Variants in ENTREP1 observed in about 807,000 individuals in gnomAD.
ENTREP1 encodes the protein Friedreich ataxia region gene X123.
the ENTREP1 span, chr9:69,382,329 T>C: frequency 5.3e-5 from 8 of 152,212 alleles, no homozygotes; most frequent in Admixed American, 2.6e-4. Flanking sequence ...ATGAAGCCCG[T>C]TGGCAAGTCC....
chr9:69,387,022 A>T, the ENTREP1 span: 4 of 152,230 alleles, frequency 2.6e-5, no homozygotes, highest in African/African-American at 9.6e-5. Flanking sequence ...AGCTTAGGGA[A>T]ATCTTTCCAG....
At chr9:69,341,364 G>C in the ENTREP1 span, among the ~76,000 whole-genome samples, 1 of 152,120 alleles carries the variant, frequency 6.6e-6, no homozygotes, top group East Asian at 1.9e-4. Context: ...ATAGACAAGG[G>C]TAAATGTATT....
chr9:69,340,641 ATGTGTGTGTGCATGTG>A, the ENTREP1 span, among the ~76,000 whole-genome samples: 1 of 44,262 alleles, frequency 2.3e-5, no homozygotes, highest in South Asian at 6.0e-4. Context: ...GTGTGCGTGC[ATGTGTGTGTGCATGTG>A]TGTGTGTGCG....
At chr9:69,385,663 G>A in the ENTREP1 span, 2 of 1,336,366 alleles carry the variant, frequency 1.5e-6, no homozygotes, top group South Asian at 4.0e-5. Flanking sequence ...CTGAGTAAAT[G>A]TTATTAACTG....
chr9:69,334,118 G>A, the ENTREP1 span, among the ~76,000 whole-genome samples: 1 of 152,218 alleles, frequency 6.6e-6, no homozygotes, highest in African/African-American at 2.4e-5. Context: ...CTGAGTGGGA[G>A]CCTGGAACCC....
At chr9:69,367,849 A>G in the ENTREP1 span, among the ~76,000 whole-genome samples, 1 of 139,290 alleles carries the variant, frequency 7.2e-6, no homozygotes, top group East Asian at 2.0e-4. Flanking sequence ...ATATATATAT[A>G]AATATATACA....
the ENTREP1 span, chr9:69,388,250 G>T: frequency 6.2e-6 from 10 of 1,614,186 alleles, no homozygotes; most frequent in Non-Finnish European, 8.5e-6. Context: ...GAGATCTAGA[G>T]CTTCGCGATG....
At chr9:69,332,781 A>T in the ENTREP1 span, among the ~76,000 whole-genome samples, 2 of 152,234 alleles carry the variant, frequency 1.3e-5, no homozygotes, top group African/African-American at 4.8e-5. Flanking sequence ...AATACCTTTC[A>T]ACTTAGAAAC....
At chr9:69,324,998 C>CG in the ENTREP1 span, 1 of 985,344 alleles carries the variant, frequency 1.0e-6, no homozygotes, top group Non-Finnish European at 1.2e-6. Flanking sequence ...GCAGGTTCGG[C>CG]GGGGACCCTG....
the ENTREP1 span, among the ~76,000 whole-genome samples, chr9:69,339,601 G>T: frequency 2.0e-5 from 3 of 152,154 alleles, no homozygotes; most frequent in African/African-American, 7.2e-5. Flanking sequence ...TTTAAGGAAT[G>T]TGCCATTGCA....
the ENTREP1 span, chr9:69,377,563 T>A: frequency 6.2e-6 from 10 of 1,612,706 alleles, no homozygotes; most frequent in Non-Finnish European, 7.6e-6. Flanking sequence ...TCTCTCCCCG[T>A]GCCTTTGTAA....
chr9:69,367,846 T>TAA, the ENTREP1 span, among the ~76,000 whole-genome samples: 1 of 137,354 alleles, frequency 7.3e-6, no homozygotes, highest in African/African-American at 2.7e-5. Context: ...CACATATATA[T>TAA]ATAAATATAT....
chr9:69,339,568 C>T, the ENTREP1 span, among the ~76,000 whole-genome samples: 1 of 152,194 alleles, frequency 6.6e-6, no homozygotes, highest in Non-Finnish European at 1.5e-5. Flanking sequence ...CCCCCTCAAG[C>T]CCCTCTGCCT....
the ENTREP1 span, among the ~76,000 whole-genome samples, chr9:69,344,834 C>T: frequency 3.3e-5 from 5 of 152,142 alleles, no homozygotes; most frequent in South Asian, 2.1e-4. Flanking sequence ...TGCCAGCTCC[C>T]GGGTTCTTTG....
At chr9:69,367,706 TATATATATACACATATATATAAAA>T in the ENTREP1 span, among the ~76,000 whole-genome samples, 3 of 91,904 alleles carry the variant, frequency 3.3e-5, no homozygotes, top group Non-Finnish European at 4.6e-5. Context: ...TATATATAAA[TATATATATACACATATATATAAAA>T]ATATATATAT....
the ENTREP1 span, among the ~76,000 whole-genome samples, chr9:69,379,390 T>C: frequency 6.6e-6 from 1 of 152,160 alleles, no homozygotes; most frequent in Non-Finnish European, 1.5e-5. Flanking sequence ...ACTGCAAAGC[T>C]GGAGGGGATG....
chr9:69,349,958 GATT>G, the ENTREP1 span, among the ~76,000 whole-genome samples: 1 of 152,202 alleles, frequency 6.6e-6, no homozygotes, highest in South Asian at 2.1e-4. Context: ...AAAGGCAAAA[GATT>G]ATAGGGTGAA....
the ENTREP1 span, chr9:69,336,104 T>C: frequency 1.8e-6 from 1 of 554,234 alleles, no homozygotes. Context: ...ATGTTTGATT[T>C]AGAATGCTTT....
At chr9:69,336,939 C>T in the ENTREP1 span, among the ~76,000 whole-genome samples, 1 of 150,108 alleles carries the variant, frequency 6.7e-6, no homozygotes, top group East Asian at 2.0e-4. Flanking sequence ...ACCTCGTGAT[C>T]CTCCCGCCTT....
Sources: gnomAD v4.1 joint callset for allele counts (sites outside exome capture counted in the v4.1 genomes callset) on GRCh38, gnomAD v4.1.1 for gene constraint, MANE v1.5 for transcripts, NCBI Gene and HGNC (gene_info 2026-07-23, HGNC 2026-07-21) for gene names.